The following DACH2 variants were observed in gnomAD, a reference collection of about 807,000 sequenced individuals.
The protein encoded by DACH2 is dachshund homolog 2.
DACH2 carries 17 observed loss-of-function variants against 35.8 expected under a neutral mutation model. The ratio of observed to expected loss-of-function variants is 0.48; its 90% CI spans 0.33 to 0.71. The LOEUF is 0.71. Among genes scored for constraint, DACH2 ranks in the 30% least tolerant of loss-of-function variants. The pLI, the probability that DACH2 is intolerant of heterozygous loss-of-function variation, is 0.02. For synonymous variants in DACH2, 195 were observed against 177.3 expected, an observed-to-expected ratio of 1.10 and a Z score of -0.79; for missense variants, 469 against 472.7, an observed-to-expected ratio of 0.99 and a Z score of 0.07.
At chrX:86,378,667 C>G (rs1394594967) in intron 2 of DACH2, among the ~76,000 whole-genome samples, 2 of 111,295 alleles carry the variant, frequency 1.8e-5, no homozygotes, top group Non-Finnish European at 3.8e-5. Context: ...CAAAATCCAT[C>G]TGGGGTCAGG....
At chrX:86,578,556 T>G (rs756579098) in intron 3 of DACH2, among the ~76,000 whole-genome samples, 1 of 111,822 alleles carries the variant, frequency 8.9e-6, no homozygotes, top group Non-Finnish European at 1.9e-5. Flanking sequence ...CTGGCTTCCT[T>G]ATTTAGCTAT....
chrX:86,351,212 T>C (rs2035585474), intron 1 of DACH2, among the ~76,000 whole-genome samples: 1 of 15,820 alleles, frequency 6.3e-5, no homozygotes, highest in African/African-American at 8.6e-4. Flanking sequence ...GTGATTTTTG[T>C]ACATTGATTT....
chrX:86,616,164 A>G (rs370040845), intron 3 of DACH2, among the ~76,000 whole-genome samples: 43 of 111,528 alleles, frequency 3.9e-4, no homozygotes, highest in Middle Eastern at 4.6e-3. Flanking sequence ...TTTTAATTCA[A>G]TCTGTCATTG....
intron 2 of DACH2, among the ~76,000 whole-genome samples, chrX:86,379,462 A>G (rs1364234880): frequency 9.2e-6 from 1 of 109,273 alleles, no homozygotes; most frequent in Admixed American, 9.9e-5. Context: ...ATATTTGTCT[A>G]AAAAGGAAAC....
intron 4 of DACH2, among the ~76,000 whole-genome samples, chrX:86,663,759 C>T (rs5967750): frequency 0.04 from 4,437 of 111,660 alleles, 222 homozygotes; most frequent in African/African-American, 0.14. Context: ...TGGAATTTGA[C>T]ACCATGTCCG....
At chrX:86,733,677 T>G (rs906111559) in intron 6 of DACH2, among the ~76,000 whole-genome samples, 1 of 111,650 alleles carries the variant, frequency 9.0e-6, no homozygotes, top group Non-Finnish European at 1.9e-5. Flanking sequence ...AGTTTTGTTC[T>G]GATAACACAT....
chrX:86,587,010 G>A (rs915502607), intron 3 of DACH2, among the ~76,000 whole-genome samples: 4 of 111,510 alleles, frequency 3.6e-5, no homozygotes, highest in Non-Finnish European at 7.6e-5. Context: ...CTTTGGAATG[G>A]CCATTTTAAC....
chrX:86,413,123 A>G (rs756126212), intron 2 of DACH2, among the ~76,000 whole-genome samples: 31 of 111,703 alleles, frequency 2.8e-4, no homozygotes, highest in African/African-American at 9.4e-4. Context: ...AGTCAGATTT[A>G]TTTCCCATCC....
At chrX:86,440,723 A>AT (rs1442971489) in intron 2 of DACH2, among the ~76,000 whole-genome samples, 1 of 110,708 alleles carries the variant, frequency 9.0e-6, no homozygotes, top group Non-Finnish European at 1.9e-5. Context: ...TGTTTCTTTT[A>AT]TTTTGGTGCA....
intron 3 of DACH2, among the ~76,000 whole-genome samples, chrX:86,555,853 G>T (rs986533382): frequency 9.0e-6 from 1 of 111,443 alleles, no homozygotes; most frequent in African/African-American, 3.3e-5. Context: ...AGTACCAGGG[G>T]AAATAATGCT....
chrX:86,449,463 T>C lies in DACH2; in HGVS notation c.528-64816T>C, dbSNP rs186182662. Among the ~76,000 whole-genome samples the C allele has an allele frequency of 4.1e-3, 462 of 111,636 alleles. 2 individuals are homozygous for C. Among genetic ancestry groups the C allele is most frequent in the African/African-American group, 0.015 (452 of 30,808 alleles). On this transcript the variant is annotated intron_variant, in intron 2 of 11. Coordinates refer to ENST00000373125, the MANE Select transcript of DACH2 (RefSeq NM_053281.3). ...ATTTAGCCACTCTATATCTTTTAAG[T>C]GGAGAATTTAATCAATTTATATTCA...
At chrX:86,493,033 C>G (rs1003354014) in intron 2 of DACH2, among the ~76,000 whole-genome samples, 2 of 111,757 alleles carry the variant, frequency 1.8e-5, no homozygotes, top group Non-Finnish European at 3.8e-5. Flanking sequence ...CGCCAAAGTG[C>G]TTTCCCCAGT....
intron 1 of DACH2, among the ~76,000 whole-genome samples, chrX:86,170,112 C>T (rs1371671762): frequency 3.6e-5 from 4 of 111,569 alleles, no homozygotes; most frequent in East Asian, 2.8e-4. Context: ...TGATGGTCTT[C>T]GACAAGATCT....
chrX:86,320,972 A>G (rs750076426), intron 1 of DACH2, among the ~76,000 whole-genome samples: 17 of 111,780 alleles, frequency 1.5e-4, no homozygotes, highest in Middle Eastern at 9.3e-3. Flanking sequence ...CTCTGTACCC[A>G]GGTACTCATG....
rs368248455 is a variant in DACH2 at position 86,492,311 on chromosome X, T to A, written c.528-21968T>A. 2.6e-4 allele frequency among the ~76,000 whole-genome samples: 29 copies of A among 111,864 alleles called. No individual in the cohort carries two copies. In the East Asian group the frequency reaches 3.1e-3, roughly 12 times the overall value. ...AGGTCTTGCCAGCTGTGTGTACTGA[T>A]CTCCTAGCAGCTATGGATGAATTCA... is the stretch of plus-strand genomic sequence containing the variant. On this transcript the variant is annotated intron_variant, in intron 2 of 11. Transcript: ENST00000373125.
chrX:86,667,119 G>T (rs1375046949), intron 4 of DACH2, among the ~76,000 whole-genome samples: 2 of 102,660 alleles, frequency 1.9e-5, no homozygotes, highest in African/African-American at 7.1e-5. Flanking sequence ...AGCCTGGCGT[G>T]GTGGTGCACA....
intron 1 of DACH2, among the ~76,000 whole-genome samples, chrX:86,151,268 T>C (rs1217115993): frequency 9.0e-6 from 1 of 111,609 alleles, no homozygotes; most frequent in Non-Finnish European, 1.9e-5. Context: ...TAACTTTTCA[T>C]GTGTGTGAAT....
intron 1 of DACH2, among the ~76,000 whole-genome samples, chrX:86,331,908 T>C (rs983499822): frequency 1.8e-5 from 2 of 110,861 alleles, no homozygotes; most frequent in Non-Finnish European, 3.8e-5. Context: ...TTCTGAGCCA[T>C]TGGAAAAAAA....
chrX:86,449,207 G>A (rs2037320403), intron 2 of DACH2, among the ~76,000 whole-genome samples: 2 of 61,396 alleles, frequency 3.3e-5, no homozygotes, highest in Admixed American at 2.1e-4. Flanking sequence ...TATTAGTCTT[G>A]CTAGCGGTCT....
Sources: gnomAD v4.1 joint callset for allele counts (sites outside exome capture counted in the v4.1 genomes callset) on GRCh38, gnomAD v4.1.1 for gene constraint, MANE v1.5 for transcripts, NCBI Gene and HGNC (gene_info 2026-07-23, HGNC 2026-07-21) for gene names.